Variants in RBFOX1 observed in about 807,000 individuals in gnomAD.
RBFOX1 encodes the protein RNA binding fox-1 homolog 1.
RBFOX1 carries 8 observed loss-of-function variants against 57.7 expected under a neutral mutation model. That is an observed-to-expected ratio of 0.14 (90% confidence interval 0.08 to 0.25). RBFOX1 has a LOEUF of 0.25. RBFOX1 is among the 10% of genes least tolerant of loss of function. RBFOX1 has a pLI of 1.00. For missense variants in RBFOX1, 611 were observed against 548.5 expected (o/e 1.11, Z -1.14); for synonymous variants, 326 against 222.4 (o/e 1.47, Z -4.15).
At position 5,455,099 on chromosome 16, in the gene RBFOX1, G is replaced by T. The variant is rs1017325061; in HGVS notation, c.220-12117G>T. 2.1e-5 allele frequency among the ~76,000 whole-genome samples: 3 copies of T among 143,578 alleles called. No homozygotes were observed. In the Admixed American group the frequency reaches 2.2e-4, roughly 10 times the overall value. The allele number at this position is 143,578 out of a possible 152,430, so 94.2% of individuals were successfully genotyped here. Reference sequence around the variant, plus strand: ...TATGTCTCTCTTCGCTTTCCTGTTGGTTCTTTCTCTCTAAAGTACCTTGAC... The same window carrying T: ...TATGTCTCTCTTCGCTTTCCTGTTGTTTCTTTCTCTCTAAAGTACCTTGAC... On this transcript the variant is annotated intron_variant, in intron 1 of 2. Transcript: ENST00000585867.
At chr16:5,308,342 C>G (rs946434377) in intron 1 of RBFOX1, among the ~76,000 whole-genome samples, 1 of 1,544 alleles carries the variant, frequency 6.5e-4, no homozygotes, top group Non-Finnish European at 1.9e-3. Context: ...AAAAAAAGAA[C>G]AAAGAAAAAA....
chr16:7,640,415 G>A (rs1184786771), intron 11 of RBFOX1, among the ~76,000 whole-genome samples: 1 of 152,222 alleles, frequency 6.6e-6, no homozygotes, highest in Admixed American at 6.5e-5. Flanking sequence ...GCTGCAAAAG[G>A]CCGCCAGTTG....
intron 3 of RBFOX1, among the ~76,000 whole-genome samples, chr16:6,726,701 C>G (rs974510321): frequency 6.6e-5 from 10 of 152,106 alleles, no homozygotes; most frequent in African/African-American, 2.4e-4. Context: ...CCTGGGCTTG[C>G]CTGTGCGTTT....
intron 3 of RBFOX1, among the ~76,000 whole-genome samples, chr16:6,787,733 C>T (rs1233412369): frequency 1.3e-5 from 2 of 152,144 alleles, no homozygotes; most frequent in Non-Finnish European, 2.9e-5. Flanking sequence ...TGCAAATGAG[C>T]ACAGAGCTTC....
At chr16:6,278,969 T>A (rs544262706) in intron 1 of RBFOX1, among the ~76,000 whole-genome samples, 1 of 152,300 alleles carries the variant, frequency 6.6e-6, no homozygotes, top group South Asian at 2.1e-4. Context: ...AAGGTTTGTG[T>A]TCTATTTTCC....
At chr16:6,415,318 C>T (rs1013241657) in intron 2 of RBFOX1, among the ~76,000 whole-genome samples, 1 of 151,242 alleles carries the variant, frequency 6.6e-6, no homozygotes, top group Non-Finnish European at 1.5e-5. Context: ...AGTGTTACCC[C>T]ATTTTCAAAA....
intron 1 of RBFOX1, among the ~76,000 whole-genome samples, chr16:6,186,048 C>T (rs77841716): frequency 0.012 from 1,795 of 152,158 alleles, 50 homozygotes; most frequent in African/African-American, 0.039. Context: ...TTTCTTGCAA[C>T]GGAAGTAGGA....
chr16:7,506,810 C>T (rs1044034164), intron 4 of RBFOX1, among the ~76,000 whole-genome samples: 9 of 146,766 alleles, frequency 6.1e-5, no homozygotes, highest in African/African-American at 1.7e-4. Context: ...TGTGATCTGC[C>T]AAAGGTACCA....
intron 2 of RBFOX1, among the ~76,000 whole-genome samples, chr16:5,505,450 T>G (rs920906960): frequency 7.9e-5 from 12 of 152,118 alleles, no homozygotes; most frequent in Non-Finnish European, 1.3e-4. Context: ...GGGGGTGGGT[T>G]TAGTGTCTGA....
At chr16:6,147,677 C>A (rs1260103259) in intron 1 of RBFOX1, among the ~76,000 whole-genome samples, 2 of 152,188 alleles carry the variant, frequency 1.3e-5, no homozygotes, top group Non-Finnish European at 2.9e-5. Flanking sequence ...GAAGGGACAT[C>A]AGACTTAATG....
Position 6,943,190 on chromosome 16 carries a change from C to A in RBFOX1, c.-15-108867C>A, listed in dbSNP as rs1264241962. Among the ~76,000 whole-genome samples, 3 of 152,150 alleles carry A rather than the reference C, an allele frequency of 2.0e-5. No individual in the cohort carries two copies. In the East Asian group the frequency reaches 5.8e-4, roughly 29 times the overall value. On this transcript the variant is annotated intron_variant, in intron 3 of 15. Transcript: ENST00000550418. ...CCACTCTCCACAGACCTGAGCTTGG[C>A]CAAATGGGAACTGCTTTGCCTATAA... is the stretch of plus-strand genomic sequence containing the variant.
chr16:6,248,639 T>TG (rs1055635434), intron 1 of RBFOX1, among the ~76,000 whole-genome samples: 1 of 152,052 alleles, frequency 6.6e-6, no homozygotes, highest in African/African-American at 2.4e-5. Flanking sequence ...TAATACACTT[T>TG]GGGGGGAGGT....
chr16:7,131,337 CTGTCTTT>C (rs1169253664), intron 4 of RBFOX1, among the ~76,000 whole-genome samples: 10 of 112,002 alleles, frequency 8.9e-5, no homozygotes, highest in Admixed American at 2.2e-4. Flanking sequence ...TGCAGCGAGA[CTGTCTTT>C]TTTTTTTTTT....
chr16:6,070,651 A>G (rs75469643), intron 1 of RBFOX1, among the ~76,000 whole-genome samples: 4,292 of 149,704 alleles, frequency 0.029, 204 homozygotes, highest in African/African-American at 0.1. Context: ...CTGAGTAATC[A>G]AAGTTTAGCT....
intron 1 of RBFOX1, among the ~76,000 whole-genome samples, chr16:5,256,365 C>T (rs28653084): frequency 0.34 from 50,897 of 151,798 alleles, 8,703 homozygotes; most frequent in African/African-American, 0.41. Context: ...ATGTCAAGTT[C>T]GGGGAGGGGG....
At chr16:6,122,762 G>A (rs933268379) in intron 1 of RBFOX1, among the ~76,000 whole-genome samples, 3 of 151,380 alleles carry the variant, frequency 2.0e-5, no homozygotes, top group African/African-American at 7.3e-5. Flanking sequence ...CATCCATTCT[G>A]CTGGGTTGCG....
At chr16:5,343,079 C>G (rs1252516068) in intron 1 of RBFOX1, among the ~76,000 whole-genome samples, 2 of 152,134 alleles carry the variant, frequency 1.3e-5, no homozygotes, top group Non-Finnish European at 2.9e-5. Context: ...GAATGGTTAG[C>G]TTAGTGTAAG....
intron 1 of RBFOX1, among the ~76,000 whole-genome samples, chr16:6,054,598 T>C (rs955443851): frequency 6.6e-6 from 1 of 152,080 alleles, no homozygotes. Context: ...TCTATGGAGG[T>C]GCAAACTGGA....
intron 3 of RBFOX1, among the ~76,000 whole-genome samples, chr16:6,880,580 T>A (rs1010306099): frequency 6.6e-6 from 1 of 151,896 alleles, no homozygotes; most frequent in Non-Finnish European, 1.5e-5. Context: ...CCAGAATCTG[T>A]TTTTCTTTCT....
Sources: allele counts gnomAD v4.1 joint callset (sites outside exome capture counted in the v4.1 genomes callset), GRCh38; gene constraint gnomAD v4.1.1; transcripts MANE v1.5; gene names NCBI Gene and HGNC (gene_info 2026-07-23, HGNC 2026-07-21).